TCF3: variants seen among roughly 807,000 people sequenced by gnomAD.
TCF3 encodes transcription factor E2-alpha.
Under a neutral mutation model 72.3 loss-of-function variants are expected in TCF3, and 54 were observed. The ratio of observed to expected loss-of-function variants is 0.75; its 90% confidence interval spans 0.60 to 0.94. The LOEUF (loss-of-function observed/expected upper bound fraction) is 0.94. Among genes scored for constraint, TCF3 ranks in the 40% least tolerant of loss-of-function variants. The pLI, the probability that TCF3 is intolerant of heterozygous loss-of-function variation, is 0.00. For synonymous variants in TCF3, 525 were observed against 412.6 expected, an observed-to-expected ratio of 1.27 and a Z score of -3.30; for missense variants, 1,078 against 934.4, an observed-to-expected ratio of 1.15 and a Z score of -2.00.
chr19:1,642,061 T>C (rs1185213655), intron 3 of TCF3, among the ~76,000 whole-genome samples: 3 of 148,502 alleles, frequency 2.0e-5, no homozygotes, highest in Non-Finnish European at 4.4e-5. Flanking sequence ...AAAAAAATCG[T>C]ACAGATGAAG....
intron 1 of TCF3, chr19:1,650,540 G>A (rs1306111855): frequency 1.0e-5 from 4 of 397,958 alleles, no homozygotes; most frequent in South Asian, 7.0e-5. Context: ...GGGAGGGTGT[G>A]CAAATATAAA....
At chr19:1,640,866 C>T (rs1402507314) in intron 3 of TCF3, among the ~76,000 whole-genome samples, 2 of 150,630 alleles carry the variant, frequency 1.3e-5, no homozygotes, top group South Asian at 2.1e-4. Context: ...GTTAATGAGG[C>T]GGCCAGGCGC....
intron 3 of TCF3, among the ~76,000 whole-genome samples, chr19:1,645,836 C>A (rs961458790): frequency 2.6e-5 from 4 of 152,182 alleles, no homozygotes; most frequent in Non-Finnish European, 4.4e-5. Flanking sequence ...CCAGGAATTG[C>A]CCCTCAGTCC....
At position 1,623,934 on chromosome 19, in the gene TCF3, T is replaced by C; in HGVS notation, c.549+17A>G. The C allele has an allele frequency of 6.2e-7, 1 of 1,612,544 alleles. No homozygotes were observed. The highest frequency in any genetic ancestry group is 1.1e-5 in the South Asian group (1 of 90,986). On this transcript the variant is annotated intron_variant, in intron 8 of 18. Coordinates refer to ENST00000262965, the MANE Select transcript of TCF3 (RefSeq NM_003200.5). ...CACTGACGAGCTGTGGGGTCCCTTC[T>C]CCCTCGTGCGACTCACCGAGGATGG...
In TCF3 at chr19:1,621,203, G is replaced by C. The variant is rs1447342482; in HGVS notation, c.956-12C>G. On this transcript the variant is annotated splice_polypyrimidine_tract_variant and intron_variant, in intron 11 of 18. Coordinates refer to ENST00000262965, the MANE Select transcript of TCF3 (RefSeq NM_003200.5). ...GGTCCCTCGGGAGCCTGTGGGTGAA[G>C]AGAGGTGAGGCCCACGCAGCCCGGC... 1.3e-6 allele frequency: 2 copies of C among 1,534,530 alleles called. No individual in the cohort carries two copies. The highest frequency in any genetic ancestry group is 1.7e-6 in the Non-Finnish European group (2 of 1,145,782).
chr19:1,645,255 C>G (rs907430483), intron 3 of TCF3, among the ~76,000 whole-genome samples: 2 of 152,098 alleles, frequency 1.3e-5, no homozygotes, highest in Admixed American at 1.3e-4. Flanking sequence ...GACACAGCTT[C>G]AGAGGCCCCA....
chr19:1,612,260 A>G, intron 18 of TCF3: 1 of 1,611,124 alleles, frequency 6.2e-7, no homozygotes, highest in Non-Finnish European at 8.5e-7. Flanking sequence ...CTGCAGGATG[A>G]GCAGCTTGGT....
intron 15 of TCF3, 30 bp from the exon 16 acceptor site, chr19:1,619,264 G>A (rs947274172): frequency 7.6e-6 from 12 of 1,575,654 alleles, no homozygotes; most frequent in East Asian, 2.3e-5. Context: ...GGTGCATCAG[G>A]GGGAGCCGGG....
intron 3 of TCF3, among the ~76,000 whole-genome samples, chr19:1,640,803 C>CAA (rs1048302834): frequency 6.3e-5 from 6 of 95,144 alleles, no homozygotes; most frequent in African/African-American, 1.6e-4. Context: ...GACTCCGTCT[C>CAA]AAAAAAAAAA....
rs368165067 is a variant in TCF3 at position 1,619,481 on chromosome 19, G to A, written c.1168-7C>T. ...GGTCTTCTATCTTACTCTGCTGCAG[G>A]GTGGGGGGATGGGTGGTGAGGGGCC... On this transcript the variant is annotated splice_region_variant and splice_polypyrimidine_tract_variant and intron_variant, in intron 14 of 18. Coordinates refer to ENST00000262965, the MANE Select transcript of TCF3 (RefSeq NM_003200.5). 6 of 1,570,444 alleles carry A rather than the reference G, an allele frequency of 3.8e-6. No homozygotes were observed. The African/African-American group carries it at 6.7e-5, about 18-fold the overall frequency.
intron 5 of TCF3, among the ~76,000 whole-genome samples, chr19:1,629,890 G>A (rs538616746): frequency 2.7e-4 from 41 of 152,308 alleles, no homozygotes; most frequent in African/African-American, 9.6e-4. Flanking sequence ...GTGACCCGGG[G>A]GGACATGGGG....
rs1024927903 is a variant in TCF3, at chr19:1,642,221, C to G, written c.145+4134G>C. 4.6e-5 allele frequency among the ~76,000 whole-genome samples: 7 copies of G among 151,568 alleles called. No individual in the cohort carries two copies. In the East Asian group the frequency reaches 1.4e-3, roughly 29 times the overall value. On this transcript the variant is annotated intron_variant, in intron 3 of 18. Coordinates refer to ENST00000262965, the MANE Select transcript of TCF3 (RefSeq NM_003200.5). ...ACGCAGACACGCACACACGCGCAGA[C>G]GCACAGACACGCACGCGCAGACGCA...
At chr19:1,618,164 C>T (rs2061742864) in intron 16 of TCF3, among the ~76,000 whole-genome samples, 2 of 152,120 alleles carry the variant, frequency 1.3e-5, no homozygotes, top group Admixed American at 1.3e-4. Flanking sequence ...GAGTTCCCAG[C>T]CCCAGTGTCA....
intron 13 of TCF3, among the ~76,000 whole-genome samples, chr19:1,620,280 G>A (rs1428241635): frequency 1.3e-5 from 2 of 152,050 alleles, no homozygotes; most frequent in East Asian, 3.9e-4. Context: ...GGGCAGAGAT[G>A]AGGACTCACG....
intron 13 of TCF3, among the ~76,000 whole-genome samples, chr19:1,620,168 G>A (rs975882589): frequency 2.0e-5 from 3 of 152,168 alleles, no homozygotes; most frequent in Non-Finnish European, 4.4e-5. Context: ...GCCCCACCCT[G>A]GCTGACCCAC....
intron 3 of TCF3, among the ~76,000 whole-genome samples, chr19:1,636,599 T>A (rs1314213952): frequency 6.6e-6 from 1 of 152,150 alleles, no homozygotes; most frequent in Non-Finnish European, 1.5e-5. Context: ...CTCCATTTTA[T>A]CTAAATTCAA....
At chr19:1,635,705 G>A (rs1451112446) in intron 3 of TCF3, among the ~76,000 whole-genome samples, 5 of 152,040 alleles carry the variant, frequency 3.3e-5, no homozygotes, top group African/African-American at 7.2e-5. Flanking sequence ...ACTACCAACT[G>A]CTGGAAACGT....
intron 2 of TCF3, among the ~76,000 whole-genome samples, chr19:1,648,936 A>C (rs2066567495): frequency 6.6e-6 from 1 of 151,942 alleles, no homozygotes; most frequent in East Asian, 1.9e-4. Context: ...CAGCAGGCAA[A>C]CCGAGGCCCC....
chr19:1,648,339 C>T (rs2145707127), intron 2 of TCF3, among the ~76,000 whole-genome samples: 1 of 152,336 alleles, frequency 6.6e-6, no homozygotes, highest in East Asian at 1.9e-4. Context: ...AACTCCACCT[C>T]TGGGTAAAGC....
Sources: gnomAD v4.1 joint callset for allele counts (sites outside exome capture counted in the v4.1 genomes callset) on GRCh38, gnomAD v4.1.1 for gene constraint, MANE v1.5 for transcripts, NCBI Gene and HGNC (gene_info 2026-07-23, HGNC 2026-07-21) for gene names.